DNAAF9: variants seen among roughly 807,000 people sequenced by gnomAD.
DNAAF9 encodes dynein axonemal assembly factor 9.
DNAAF9 carries 90 observed loss-of-function variants against 167.0 expected under a neutral mutation model. The ratio of observed to expected loss-of-function variants is 0.54; its 90% CI spans 0.45 to 0.64. DNAAF9 has a LOEUF of 0.64. DNAAF9 is among the 30% of genes least tolerant of loss of function. The pLI is 0.00. For missense variants in DNAAF9, 1,315 were observed against 1,442.2 expected (o/e 0.91, Z 1.43); for synonymous variants, 491 against 508.8 (o/e 0.96, Z 0.47).
chr20:3,296,871 G>C lies in DNAAF9; in HGVS notation c.2008C>G (p.Gln670Glu), dbSNP rs781367929. The C allele has an allele frequency of 6.9e-6, 11 of 1,604,322 alleles. No homozygotes were observed. Among genetic ancestry groups the C allele is most frequent in the Admixed American group, 3.3e-5 (2 of 59,880 alleles). The stretch of plus-strand genomic sequence containing the variant: ...GAAGCAGCCACTTACAATCTCTTTT[G>C]TTCCACAGATAATCCATCTTCCTGG... ...VIQEDGLSVE[Q>E]KRLHSSAQKL... The change falls in exon 23 of 37, where the codon CAA becomes GAA. Residue 670 changes from glutamine to glutamate, a missense_variant. Transcript: ENST00000252032.
rs116454746 is a variant in DNAAF9, at chr20:3,381,974, C to T, written c.163+453G>A. The stretch of plus-strand genomic sequence containing the variant: ...TCAAGGTCTAGCACTGTACTAGATG[C>T]TGGGGTATGGTGGTGAACATGCCTG... On this transcript the variant is annotated intron_variant, in intron 2 of 36. Transcript: ENST00000252032. 2.8e-3 allele frequency among the ~76,000 whole-genome samples: 422 copies of T among 152,256 alleles called. 1 individual carries two copies. The highest frequency in any genetic ancestry group is 9.5e-3 in the African/African-American group (395 of 41,554).
intron 7 of DNAAF9, among the ~76,000 whole-genome samples, chr20:3,350,075 C>T (rs1249813071): frequency 6.6e-6 from 1 of 151,854 alleles, no homozygotes; most frequent in African/African-American, 2.4e-5. Context: ...CAAGGCAACA[C>T]TGCTGGGAAG....
At chr20:3,329,658 T>C (rs1600796547) in intron 12 of DNAAF9, among the ~76,000 whole-genome samples, 2 of 152,340 alleles carry the variant, frequency 1.3e-5, no homozygotes, top group South Asian at 4.1e-4. Flanking sequence ...AACCTATATT[T>C]TAAAGAGATC....
In DNAAF9 at chr20:3,340,508, T is replaced by A. The variant is rs1435912102; in HGVS notation, c.977A>T (p.His326Leu). 1 of 1,381,842 alleles carries A rather than the reference T, an allele frequency of 7.2e-7. No individual in the cohort carries two copies. Among genetic ancestry groups the A allele is most frequent in the Non-Finnish European group, 9.6e-7 (1 of 1,038,882 alleles). The allele number at this position is 1,381,842 out of a possible 1,614,324, so 85.6% of individuals were successfully genotyped here. Residue 326 changes from histidine to leucine, a missense_variant, in exon 10 of 37, where the codon CAC (histidine) becomes CTC (leucine). Around this residue, in one of 2 missense-constraint regions of DNAAF9, gnomAD observed 981 missense variants for 1,012.5 expected, o/e 0.97. Coordinates refer to ENST00000252032, the MANE Select transcript of DNAAF9 (RefSeq NM_001009984.3). ...CCAGGCAGTCCAGCCACTTACCATG[T>A]GCTTGGCAAAGCTCCCGCCGGGACC... Reference protein sequence around the residue: ...STGPGGSFAKHMVAQCVSPKG... With the variant: ...STGPGGSFAKLMVAQCVSPKG...
intron 8 of DNAAF9, 51 bp downstream of exon 8, chr20:3,348,474 A>G: frequency 1.0e-6 from 1 of 961,788 alleles, no homozygotes; most frequent in Non-Finnish European, 1.6e-6. Context: ...AATTAAAACA[A>G]TAAATAAATT....
At chr20:3,364,524 T>C (rs1178425010) in intron 6 of DNAAF9, among the ~76,000 whole-genome samples, 1 of 152,166 alleles carries the variant, frequency 6.6e-6, no homozygotes, top group Non-Finnish European at 1.5e-5. Context: ...CAGGGCCCAG[T>C]GAATTACAGG....
At chr20:3,327,124 G>A (rs1387429881) in intron 12 of DNAAF9, among the ~76,000 whole-genome samples, 1 of 152,156 alleles carries the variant, frequency 6.6e-6, no homozygotes, top group Non-Finnish European at 1.5e-5. Flanking sequence ...CTGCCAGAAT[G>A]GACTGCCACG....
chr20:3,307,209 A>T, intron 20 of DNAAF9: 10 of 952,650 alleles, frequency 1.0e-5, no homozygotes, highest in Non-Finnish European at 1.1e-5. Context: ...AATGGAAAAG[A>T]GGAAGACAAA....
chr20:3,387,209 T>C (rs1302891676), intron 1 of DNAAF9, among the ~76,000 whole-genome samples: 1 of 152,140 alleles, frequency 6.6e-6, no homozygotes, highest in Non-Finnish European at 1.5e-5. Flanking sequence ...TCCAAAACAA[T>C]CTTGATAAAG....
intron 23 of DNAAF9, chr20:3,296,172 A>G (rs2122947128): frequency 1.7e-6 from 1 of 588,122 alleles, no homozygotes; most frequent in Non-Finnish European, 3.4e-6. Flanking sequence ...CCACCTGCTA[A>G]GCGGGAGGAT....
intron 6 of DNAAF9, among the ~76,000 whole-genome samples, chr20:3,368,249 C>T (rs917575246): frequency 6.6e-6 from 1 of 152,178 alleles, no homozygotes; most frequent in African/African-American, 2.4e-5. Context: ...CTGGGCACCA[C>T]CTGGATCCTC....
At position 3,256,018 on chromosome 20, in the gene DNAAF9, C is replaced by T. The variant is rs2068274043; in HGVS notation, c.3249G>A (p.Gln1083=). 6.2e-7 allele frequency: 1 copy of T among 1,612,920 alleles called. No homozygotes were observed. The highest frequency in any genetic ancestry group is 2.2e-5 in the East Asian group (1 of 44,888). The change falls in exon 34 of 37, where the codon CAG becomes CAA. Residue 1083 remains glutamine, a synonymous_variant. Transcript: ENST00000252032. Reference sequence around the variant, plus strand: ...CTCTGGAAACCACCTGCTTAGCTGACTGCCGCAGCCAGTCCTTGATGCTGT... The same window carrying T: ...CTCTGGAAACCACCTGCTTAGCTGATTGCCGCAGCCAGTCCTTGATGCTGT... The part of the protein sequence containing the change: ...KEDSIKDWLR[Q]SAKQKPQRKA...
chr20:3,331,176 C>T (rs1482244895), intron 11 of DNAAF9, among the ~76,000 whole-genome samples: 1 of 152,182 alleles, frequency 6.6e-6, no homozygotes, highest in Non-Finnish European at 1.5e-5. Flanking sequence ...AACCTTCACC[C>T]GCATTTTCCA....
intron 23 of DNAAF9, chr20:3,296,298 G>A (rs2069077015): frequency 5.3e-5 from 20 of 380,390 alleles, no homozygotes; most frequent in South Asian, 3.5e-4. Context: ...CGGGCCCGGC[G>A]CCCAACACCA....
At chr20:3,292,051 TAC>T (rs1408349605) in intron 25 of DNAAF9, among the ~76,000 whole-genome samples, 1 of 150,422 alleles carries the variant, frequency 6.6e-6, no homozygotes, top group Non-Finnish European at 1.5e-5. Context: ...CAGGCTGGAG[TAC>T]AGTGGTGCGA....
intron 11 of DNAAF9, among the ~76,000 whole-genome samples, chr20:3,331,714 C>T (rs1160663579): frequency 6.6e-6 from 1 of 152,186 alleles, no homozygotes; most frequent in Non-Finnish European, 1.5e-5. Flanking sequence ...CACTCTGTTG[C>T]CCAGGCTAGA....
Position 3,322,671 on chromosome 20 carries a change from C to A in DNAAF9, c.1291G>T (p.Ala431Ser). The change falls in exon 15 of 37, where the codon GCT (alanine) becomes TCT (serine). Residue 431 changes from alanine (A) to serine (S), a missense_variant. Coordinates refer to ENST00000252032, the MANE Select transcript of DNAAF9 (RefSeq NM_001009984.3). ...LRSKMTFHIH[A>S]VNNQGRIVPL... ...ACGCACCTTCCCTGATTATTCACAG[C>A]ATGTATATGAAAAGTCATCTTGGAG... The A allele has an allele frequency of 6.2e-7, 1 of 1,613,058 alleles. No homozygotes were observed. The highest frequency in any genetic ancestry group is 8.5e-7 in the Non-Finnish European group (1 of 1,178,980).
intron 1 of DNAAF9, among the ~76,000 whole-genome samples, chr20:3,396,398 C>A (rs537637876): frequency 2.4e-4 from 37 of 152,268 alleles, no homozygotes; most frequent in Admixed American, 5.9e-4. Flanking sequence ...TGAGCACCTA[C>A]TGTGTGCCAA....
chr20:3,372,147 A>T (rs1453736394), intron 6 of DNAAF9, among the ~76,000 whole-genome samples: 1 of 152,194 alleles, frequency 6.6e-6, no homozygotes, highest in Non-Finnish European at 1.5e-5. Context: ...TTAAGTTATT[A>T]AGTATAGCTC....
Sources: gnomAD v4.1 joint callset for allele counts (sites outside exome capture counted in the v4.1 genomes callset) on GRCh38, gnomAD v4.1.1 for gene constraint, gnomAD v4.1.1 regional missense constraint, MANE v1.5 for transcripts, NCBI Gene and HGNC (gene_info 2026-07-23, HGNC 2026-07-21) for gene names.